NR5A2: variants seen among roughly 807,000 people sequenced by gnomAD.
NR5A2 encodes CYP7A promoter-binding factor.
A neutral mutation model predicts 62.7 loss-of-function variants in NR5A2; 26 were observed. The ratio of observed to expected loss-of-function variants is 0.41; its 90% CI spans 0.30 to 0.58. NR5A2 has a LOEUF of 0.58. Ranked by LOEUF, NR5A2 falls within the 20% of genes least tolerant of loss-of-function variation. The probability of loss-of-function intolerance (pLI) is 0.22; values close to 1 mark genes in which losing one functional copy is unlikely to be tolerated. For synonymous variants in NR5A2, 246 were observed against 241.7 expected, an observed-to-expected ratio of 1.02 and a Z score of -0.16; for missense variants, 541 against 669.1, an observed-to-expected ratio of 0.81 and a Z score of 2.11.
intron 7 of NR5A2, among the ~76,000 whole-genome samples, chr1:200,158,774 TGAACCATCAGC>T (rs1224235588): frequency 6.6e-6 from 1 of 152,228 alleles, no homozygotes; most frequent in African/African-American, 2.4e-5. Flanking sequence ...TCTTACCTAG[TGAACCATCAGC>T]CAACACTGTA....
rs12057320 is a variant in NR5A2, at chr1:200,136,588, A to G, written c.1378+15633A>G. On this transcript the variant is annotated intron_variant, in intron 7 of 7. Transcript: ENST00000367362. ...ACTATACAAAATTGCTGAGCTAGTAAGTAATAGAACTGGGATTTGCACACT... is the reference window on the plus strand; with the variant it reads ...ACTATACAAAATTGCTGAGCTAGTAGGTAATAGAACTGGGATTTGCACACT... Among the ~76,000 whole-genome samples the G allele has an allele frequency of 5.2e-4, 79 of 152,346 alleles. 2 individuals are homozygous for G. The highest frequency in any genetic ancestry group is 1.9e-3 in the African/African-American group (77 of 41,574).
intron 1 of NR5A2, among the ~76,000 whole-genome samples, chr1:200,034,783 C>CTTTTTTTTTTTTTTTTTTTTT (rs767393832): frequency 2.8e-5 from 2 of 71,286 alleles, no homozygotes; most frequent in African/African-American, 1.1e-4. Flanking sequence ...AGCAGAAAGG[C>CTTTTTTTTTTTTTTTTTTTTT]TTTTTTTTTT....
chr1:200,141,214 T>C (rs1453364012), intron 7 of NR5A2, among the ~76,000 whole-genome samples: 1 of 152,308 alleles, frequency 6.6e-6, no homozygotes, highest in South Asian at 2.1e-4. Context: ...AACATAATCA[T>C]GATACAGAAC....
chr1:200,152,150 T>C (rs1287412938), intron 7 of NR5A2, among the ~76,000 whole-genome samples: 1 of 152,188 alleles, frequency 6.6e-6, no homozygotes, highest in Non-Finnish European at 1.5e-5. Flanking sequence ...TGGGGGACTC[T>C]CAAGGCCTCA....
At chr1:200,086,417 C>T (rs568649441) in intron 5 of NR5A2, among the ~76,000 whole-genome samples, 2 of 152,156 alleles carry the variant, frequency 1.3e-5, no homozygotes, top group South Asian at 4.2e-4. Context: ...TATTCTCCTG[C>T]CTCAGCTTCC....
chr1:200,055,511 G>A (rs751498672), intron 5 of NR5A2, among the ~76,000 whole-genome samples: 1 of 152,160 alleles, frequency 6.6e-6, no homozygotes, highest in Non-Finnish European at 1.5e-5. Flanking sequence ...CTATGGGAGA[G>A]AAAGAGAAAC....
intron 6 of NR5A2, among the ~76,000 whole-genome samples, chr1:200,117,316 C>T (rs1360844032): frequency 6.6e-6 from 1 of 152,146 alleles, no homozygotes; most frequent in East Asian, 1.9e-4. Flanking sequence ...AAGAATAAAT[C>T]ACCTATCCTT....
chr1:200,070,836 G>A (rs550354078), intron 5 of NR5A2, among the ~76,000 whole-genome samples: 3 of 150,558 alleles, frequency 2.0e-5, no homozygotes, highest in South Asian at 4.2e-4. Context: ...AATGTGCCAC[G>A]CCTGTGTATG....
At chr1:200,111,954 A>G (rs1255175048) in intron 6 of NR5A2, among the ~76,000 whole-genome samples, 1 of 152,182 alleles carries the variant, frequency 6.6e-6, no homozygotes, top group Non-Finnish European at 1.5e-5. Flanking sequence ...TATATTAGTG[A>G]ACAAAATAAA....
chr1:200,143,791 G>A lies in NR5A2; in HGVS notation c.1378+22836G>A, dbSNP rs9427706. On this transcript the variant is annotated intron_variant, in intron 7 of 7. Transcript: ENST00000367362. ...CGAGTAGCTGGGATTACAGGCGCGCGCCACCAGGCCCAGCTAATTTTTTTA... is the reference window on the plus strand; with the variant it reads ...CGAGTAGCTGGGATTACAGGCGCGCACCACCAGGCCCAGCTAATTTTTTTA... 8.0e-4 allele frequency among the ~76,000 whole-genome samples: 121 copies of A among 151,942 alleles called. 3 individuals are homozygous for A. The highest frequency in any genetic ancestry group is 2.6e-3 in the African/African-American group (106 of 41,410).
intron 5 of NR5A2, among the ~76,000 whole-genome samples, chr1:200,073,938 G>A (rs981788310): frequency 1.3e-5 from 2 of 152,122 alleles, no homozygotes; most frequent in African/African-American, 2.4e-5. Context: ...GCTGTTATAA[G>A]AACACAGGGC....
intron 7 of NR5A2, among the ~76,000 whole-genome samples, chr1:200,135,515 C>T (rs1170982429): frequency 1.4e-5 from 2 of 143,636 alleles, no homozygotes; most frequent in Non-Finnish European, 3.0e-5. Flanking sequence ...AGCAAAACTT[C>T]ATCTCCAAAA....
chr1:200,106,005 A>G (rs1224466316), intron 5 of NR5A2, among the ~76,000 whole-genome samples: 1 of 142,264 alleles, frequency 7.0e-6, no homozygotes, highest in Non-Finnish European at 1.6e-5. Context: ...GATAGGCTAA[A>G]TGTGGGCTTG....
chr1:200,074,384 C>T (rs182876096), intron 5 of NR5A2, among the ~76,000 whole-genome samples: 291 of 147,140 alleles, frequency 2.0e-3, no homozygotes, highest in African/African-American at 6.9e-3. Context: ...TAGCAAGACC[C>T]TGTCTTTAAT....
intron 1 of NR5A2, among the ~76,000 whole-genome samples, chr1:200,036,721 G>A (rs558730062): frequency 6.6e-6 from 1 of 152,286 alleles, no homozygotes; most frequent in Non-Finnish European, 1.5e-5. Context: ...CCATCGTCGA[G>A]TTAAAGGCCT....
chr1:200,051,580 G>A (rs1662636204), intron 5 of NR5A2, among the ~76,000 whole-genome samples: 2 of 152,198 alleles, frequency 1.3e-5, no homozygotes, highest in Admixed American at 1.3e-4. Context: ...CAAGGGGTGG[G>A]AGATGTTCCC....
chr1:200,147,962 G>T lies in NR5A2; in HGVS notation c.1379-26001G>T. 1 of 327,320 alleles carries T rather than the reference G, an allele frequency of 3.1e-6. No homozygotes were observed. 20.3% of individuals were successfully genotyped at this position (327,320 alleles called of 1,614,324 possible). A position where few individuals can be genotyped will look rare whatever the true frequency, so the allele number is the denominator to read the frequency against. On this transcript the variant is annotated intron_variant, in intron 7 of 7. Transcript: ENST00000367362. The surrounding 1 kb of genome is among the most constrained non-coding windows in gnomAD (Gnocchi z 4.9). Reference sequence around the variant, plus strand: ...GTGTTGGTGTTGCCCTGTGGTAGGCGATGCATCGGGCGGCCGCCTTGACCT... The same window carrying T: ...GTGTTGGTGTTGCCCTGTGGTAGGCTATGCATCGGGCGGCCGCCTTGACCT...
intron 5 of NR5A2, among the ~76,000 whole-genome samples, chr1:200,095,532 A>G (rs1665047294): frequency 6.6e-6 from 1 of 152,066 alleles, no homozygotes; most frequent in Non-Finnish European, 1.5e-5. Context: ...CTTCTAAGTA[A>G]AAGTCCTTAA....
chr1:200,088,679 G>A (rs893997313), intron 5 of NR5A2, among the ~76,000 whole-genome samples: 13 of 152,216 alleles, frequency 8.5e-5, no homozygotes, highest in Admixed American at 1.3e-4. Flanking sequence ...GTCTGTCACC[G>A]TCCTACCTTT....
Sources: gnomAD v4.1 joint callset for allele counts (sites outside exome capture counted in the v4.1 genomes callset) on GRCh38, gnomAD v4.1.1 for gene constraint, Gnocchi (gnomAD v3.1) non-coding constraint, MANE v1.5 for transcripts, NCBI Gene and HGNC (gene_info 2026-07-23, HGNC 2026-07-21) for gene names.